TOPAZ1: variants seen among roughly 807,000 people sequenced by gnomAD.
TOPAZ1 encodes protein TOPAZ1.
Under a neutral mutation model 172.2 loss-of-function variants are expected in TOPAZ1, and 66 were observed. The ratio of observed to expected loss-of-function variants is 0.38; its 90% confidence interval spans 0.31 to 0.47. The LOEUF (loss-of-function observed/expected upper bound fraction) is 0.47, where lower values mean the gene tolerates loss of function less well. Ranked by LOEUF, TOPAZ1 falls within the 20% of genes least tolerant of loss-of-function variation. The probability of loss-of-function intolerance (pLI) is 0.99; values close to 1 mark genes in which losing one functional copy is unlikely to be tolerated. For synonymous variants in TOPAZ1, 681 were observed against 683.9 expected (o/e 1.00, Z 0.07); for missense variants, 1,822 against 1,972.4 (o/e 0.92, Z 1.44).
At chr3:44,296,130 G>A (rs1469066251) in intron 12 of TOPAZ1, among the ~76,000 whole-genome samples, 2 of 152,148 alleles carry the variant, frequency 1.3e-5, no homozygotes, top group Non-Finnish European at 2.9e-5. Context: ...CACGTGTGAA[G>A]AGAAAGTTTC....
chr3:44,303,479 C>CTTTT (rs34565826), intron 12 of TOPAZ1, among the ~76,000 whole-genome samples: 45 of 109,906 alleles, frequency 4.1e-4, no homozygotes, highest in East Asian at 5.6e-4. Context: ...TGCTTGCTTG[C>CTTTT]TTTTTTTTTT....
intron 4 of TOPAZ1, among the ~76,000 whole-genome samples, chr3:44,257,350 GGGGT>G (rs1199485560): frequency 6.9e-5 from 5 of 72,466 alleles, no homozygotes; most frequent in African/African-American, 2.8e-4. Flanking sequence ...AGAAAACATA[GGGGT>G]GTGTGTGTGT....
chr3:44,312,348 A>G (rs1700406275), intron 16 of TOPAZ1, among the ~76,000 whole-genome samples: 1 of 152,226 alleles, frequency 6.6e-6, no homozygotes, highest in African/African-American at 2.4e-5. Flanking sequence ...TGTGTAGAAG[A>G]ATGCACAAGA....
rs1699539551 is a variant in TOPAZ1 at position 44,244,706 on chromosome 3, A to C, written c.2200A>C (p.Asn734His). The change falls in exon 2 of 20, where the codon AAT becomes CAT. Residue 734 changes from asparagine to histidine, a missense_variant. Transcript: ENST00000309765. ...CGTAAGACAGAACAGGAGTAAAGAA[A>C]ATGTCTCCATGATGATGTTAGGACC... ...ADVRQNRSKE[N>H]VSMMMLGPQT... 1 of 1,551,348 alleles carries C rather than the reference A, an allele frequency of 6.4e-7. No homozygotes were observed. Among genetic ancestry groups the C allele is most frequent in the South Asian group, 1.2e-5 (1 of 84,034 alleles).
intron 12 of TOPAZ1, among the ~76,000 whole-genome samples, chr3:44,298,921 T>A (rs1243180976): frequency 0.051 from 2,110 of 41,134 alleles, 45 homozygotes; most frequent in African/African-American, 0.064. Flanking sequence ...TTTTTTTTTT[T>A]TTTTTTTTTT....
At position 44,243,330 on chromosome 3, in the gene TOPAZ1, A is replaced by G. The variant is rs796801617; in HGVS notation, c.824A>G (p.Asn275Ser). 6 of 1,551,428 alleles carry G rather than the reference A, an allele frequency of 3.9e-6. No individual in the cohort carries two copies. The South Asian group carries it at 4.8e-5, about 12-fold the overall frequency. Residue 275 changes from asparagine (N) to serine (S), a missense_variant, in exon 2 of 20, where the codon AAT becomes AGT. By Grantham distance (46) the Asn-to-Ser change is conservative. Around this residue, in one of 2 missense-constraint regions of TOPAZ1, gnomAD observed 1,489 missense variants for 1,490.8 expected, o/e 1.00. Coordinates refer to ENST00000309765, the MANE Select transcript of TOPAZ1 (RefSeq NM_001145030.2). Reference sequence around the variant, plus strand: ...AGTCTTGCAGAGAAGAGTGACACAAATAGTATTCCTCAGCTCTTACAAACA... The same window carrying G: ...AGTCTTGCAGAGAAGAGTGACACAAGTAGTATTCCTCAGCTCTTACAAACA... ...LRSLAEKSDTNSIPQLLQTEE... is the reference protein window; with the variant it reads ...LRSLAEKSDTSSIPQLLQTEE...
chr3:44,265,192 AAATAAT>A (rs1559530452), intron 5 of TOPAZ1, among the ~76,000 whole-genome samples: 1 of 152,228 alleles, frequency 6.6e-6, no homozygotes, highest in African/African-American at 2.4e-5. Context: ...TGTATTTCTT[AAATAAT>A]AAGTCTTGAA....
At chr3:44,293,393 A>G (rs1228934311) in intron 12 of TOPAZ1, among the ~76,000 whole-genome samples, 2 of 152,312 alleles carry the variant, frequency 1.3e-5, no homozygotes, top group East Asian at 1.9e-4. Flanking sequence ...TGACAGCTCC[A>G]TACTTGTGAT....
intron 2 of TOPAZ1, 96 bp downstream of exon 2, chr3:44,245,367 C>CCAT: frequency 7.9e-7 from 1 of 1,268,484 alleles, no homozygotes. Flanking sequence ...TATTGAAGCT[C>CCAT]CATTATTTTT....
chr3:44,297,104 G>A (rs186231671), intron 12 of TOPAZ1, among the ~76,000 whole-genome samples: 86 of 150,618 alleles, frequency 5.7e-4, no homozygotes, highest in Middle Eastern at 3.4e-3. Flanking sequence ...CCAGGAGGCG[G>A]AGGTTACAGT....
chr3:44,254,142 A>C (rs1377218044), intron 2 of TOPAZ1, among the ~76,000 whole-genome samples: 1 of 152,324 alleles, frequency 6.6e-6, no homozygotes, highest in Non-Finnish European at 1.5e-5. Flanking sequence ...AACTTAAAGA[A>C]GTTAAGTAGT....
intron 2 of TOPAZ1, among the ~76,000 whole-genome samples, chr3:44,251,756 G>C (rs1389502937): frequency 2.0e-5 from 3 of 152,208 alleles, no homozygotes; most frequent in East Asian, 3.9e-4. Context: ...GCTTAAACCT[G>C]TCTTACTCTC....
At chr3:44,279,227 G>A (rs967800725) in intron 8 of TOPAZ1, among the ~76,000 whole-genome samples, 6 of 151,992 alleles carry the variant, frequency 3.9e-5, no homozygotes, top group Admixed American at 6.6e-5. Context: ...TTGCTGGTTC[G>A]TTTTGTATTC....
At chr3:44,251,962 A>G (rs750771722) in intron 2 of TOPAZ1, among the ~76,000 whole-genome samples, 121 of 151,434 alleles carry the variant, frequency 8.0e-4, no homozygotes, top group Middle Eastern at 3.4e-3. Flanking sequence ...TCACTTTATG[A>G]TTTTTTTTTC....
Position 44,309,978 on chromosome 3 carries a change from T to G in TOPAZ1, c.4294T>G (p.Trp1432Gly). Residue 1432 changes from tryptophan (W) to glycine (G), a missense_variant, in exon 16 of 20, where the codon TGG (tryptophan) becomes GGG (glycine). Physicochemically the swap from Trp to Gly is radical, Grantham distance 184. Around this residue, in one of 2 missense-constraint regions of TOPAZ1, gnomAD observed 333 missense variants for 481.7 expected, o/e 0.69. Transcript: ENST00000309765. ...AAGTGGAAGCCTAGATGGTGCCATT[T>G]GGGTAATGAGGGGTAAGTCCTGATA... ...LKSGSLDGAIWVMRESEWIIN... is the reference protein window; with the variant it reads ...LKSGSLDGAIGVMRESEWIIN... The G allele has an allele frequency of 6.5e-7, 1 of 1,549,022 alleles. No homozygotes were observed. Among genetic ancestry groups the G allele is most frequent in the Non-Finnish European group, 8.7e-7 (1 of 1,146,354 alleles).
intron 16 of TOPAZ1, among the ~76,000 whole-genome samples, chr3:44,318,050 G>T (rs565166115): frequency 1.2e-4 from 18 of 152,180 alleles, no homozygotes; most frequent in Non-Finnish European, 1.6e-4. Context: ...ATGGTGCAGG[G>T]CCCCTGGGTG....
chr3:44,310,671 A>G (rs554484754), intron 16 of TOPAZ1, among the ~76,000 whole-genome samples: 71 of 152,334 alleles, frequency 4.7e-4, no homozygotes, highest in African/African-American at 1.7e-3. Context: ...CCAAAATGAC[A>G]TAATAAGTAA....
chr3:44,247,743 A>T (rs1272459531), intron 2 of TOPAZ1, among the ~76,000 whole-genome samples: 1 of 152,120 alleles, frequency 6.6e-6, no homozygotes, highest in Non-Finnish European at 1.5e-5. Flanking sequence ...TATGCCTCCC[A>T]GGTTCAAGCA....
chr3:44,328,537 T>G (rs1700628290), intron 19 of TOPAZ1, 104 bp downstream of exon 19: 5 of 520,908 alleles, frequency 9.6e-6, no homozygotes, highest in East Asian at 3.7e-5. Flanking sequence ...ACATATATAT[T>G]TATGTATATA....
Sources: allele counts gnomAD v4.1 joint callset (sites outside exome capture counted in the v4.1 genomes callset), GRCh38; gene constraint gnomAD v4.1.1; regional missense constraint gnomAD v4.1.1; transcripts MANE v1.5; gene names NCBI Gene and HGNC (gene_info 2026-07-23, HGNC 2026-07-21).